The following KIF26B variants were observed in gnomAD, a reference collection of about 807,000 sequenced individuals.
The protein encoded by KIF26B is kinesin-like protein KIF26B.
KIF26B carries 63 observed loss-of-function variants against 151.2 expected under a neutral mutation model. The observed-to-expected ratio is 0.42, with a 90% CI of 0.34 to 0.51. The LOEUF is 0.51. Among genes scored for constraint, KIF26B ranks in the 20% least tolerant of loss-of-function variants. The pLI is 0.07. For missense variants in KIF26B, 2,813 were observed against 2,913.6 expected, an observed-to-expected ratio of 0.97 and a Z score of 0.79; for synonymous variants, 1,357 against 1,262.1, an observed-to-expected ratio of 1.08 and a Z score of -1.59.
In KIF26B at chr1:245,184,050, G is replaced by GTTTTTTGTTTTT. The variant is rs1553332272; in HGVS notation, c.465+27373_465+27374insGTTTTTTTTTTT. 6.1e-4 allele frequency among the ~76,000 whole-genome samples: 12 copies of GTTTTTTGTTTTT among 19,810 alleles called. 1 individual carries two copies. Among genetic ancestry groups the GTTTTTTGTTTTT allele is most frequent in the South Asian group, 2.8e-3 (1 of 352 alleles). 13.0% of individuals were successfully genotyped at this position (19,810 alleles called of 152,430 possible). On this transcript the variant is annotated intron_variant, in intron 2 of 14. Transcript: ENST00000407071. The stretch of plus-strand genomic sequence containing the variant: ...GCAACAGGTATGGGTGGGAGTTGTT[G>GTTTTTTGTTTTT]TTTTTTTTTTTTTTTTTTTGAGCTT...
At chr1:245,682,420 CCTAA>C (rs1156883950) in intron 10 of KIF26B, among the ~76,000 whole-genome samples, 1 of 151,836 alleles carries the variant, frequency 6.6e-6, no homozygotes, top group Non-Finnish European at 1.5e-5. Context: ...ATGATCACAA[CCTAA>C]CTGAGCAGAA....
intron 2 of KIF26B, among the ~76,000 whole-genome samples, chr1:245,165,219 C>T (rs1382578132): frequency 6.6e-6 from 1 of 151,788 alleles, no homozygotes; most frequent in Non-Finnish European, 1.5e-5. Context: ...AAGGGAGAGG[C>T]AGCTCCGGCC....
intron 3 of KIF26B, among the ~76,000 whole-genome samples, chr1:245,395,993 C>T (rs1042840020): frequency 4.6e-5 from 7 of 152,208 alleles, no homozygotes; most frequent in Admixed American, 1.3e-4. Flanking sequence ...CTGTGGCAGC[C>T]TCTGCTCTCC....
At chr1:245,596,459 T>C (rs1199358673) in intron 5 of KIF26B, among the ~76,000 whole-genome samples, 1 of 152,210 alleles carries the variant, frequency 6.6e-6, no homozygotes, top group Non-Finnish European at 1.5e-5. Flanking sequence ...TTCCATGTAG[T>C]TGTGCAGTTT....
chr1:245,702,449 C>T lies in KIF26B; in HGVS notation c.6179-9C>T, dbSNP rs755527986. 1 of 1,613,900 alleles carries T rather than the reference C, an allele frequency of 6.2e-7. No homozygotes were observed. The highest frequency in any genetic ancestry group is 8.5e-7 in the Non-Finnish European group (1 of 1,179,828). ...TCTGCGTCTCCATCAGGCTCTTCCT[C>T]TCTTGCAGTTGACTTGGAGCAGGTT... On this transcript the variant is annotated splice_polypyrimidine_tract_variant and intron_variant, in intron 14 of 14. Transcript: ENST00000407071. This position sits in a 1 kb window ranked among gnomAD's most constrained non-coding sequence, Gnocchi z 4.1.
At position 245,512,380 on chromosome 1, in the gene KIF26B, A is replaced by G. The variant is rs753223449; in HGVS notation, c.1167-28387A>G. Among the ~76,000 whole-genome samples, 1 of 152,212 alleles carries G rather than the reference A, an allele frequency of 6.6e-6. No individual in the cohort carries two copies. The highest frequency in any genetic ancestry group is 1.5e-5 in the Non-Finnish European group (1 of 68,042). Reference sequence around the variant, plus strand: ...TAACATACCCTGCCCAGCCTTGGACAGAGGGAGTACTGTGAAGCAACATGC... The same window carrying G: ...TAACATACCCTGCCCAGCCTTGGACGGAGGGAGTACTGTGAAGCAACATGC... On this transcript the variant is annotated intron_variant, in intron 4 of 14. Transcript: ENST00000407071. This position sits in a 1 kb window ranked among gnomAD's most constrained non-coding sequence, Gnocchi z 4.3.
At chr1:245,192,889 A>G (rs1177839831) in intron 2 of KIF26B, among the ~76,000 whole-genome samples, 3 of 62,484 alleles carry the variant, frequency 4.8e-5, no homozygotes, top group Non-Finnish European at 7.5e-5. Flanking sequence ...TACACCCAAC[A>G]GATAATTTTT....
intron 10 of KIF26B, among the ~76,000 whole-genome samples, chr1:245,680,583 T>C (rs2044421655): frequency 6.6e-6 from 1 of 152,066 alleles, no homozygotes; most frequent in Admixed American, 6.6e-5. Context: ...CTGTCTTTGG[T>C]CTGTCTTCCT....
chr1:245,277,146 A>T (rs1009256392), intron 2 of KIF26B, among the ~76,000 whole-genome samples: 2 of 152,188 alleles, frequency 1.3e-5, no homozygotes, highest in African/African-American at 4.8e-5. Flanking sequence ...GAAGGAACTC[A>T]CTTTGCTGAC....
chr1:245,477,704 G>A (rs573039744), intron 4 of KIF26B, among the ~76,000 whole-genome samples: 2 of 151,742 alleles, frequency 1.3e-5, no homozygotes, highest in South Asian at 4.2e-4. Flanking sequence ...AAGGGAGAGC[G>A]GGCCTGTCAT....
chr1:245,369,133 A>T (rs545380350), intron 3 of KIF26B, among the ~76,000 whole-genome samples: 1 of 151,818 alleles, frequency 6.6e-6, no homozygotes, highest in Admixed American at 6.6e-5. Context: ...CAGCCTGGTG[A>T]CAGAGCAAGA....
chr1:245,561,097 G>C, intron 5 of KIF26B, among the ~76,000 whole-genome samples: 1 of 152,164 alleles, frequency 6.6e-6, no homozygotes, highest in East Asian at 1.9e-4. Flanking sequence ...CTGGGAGCTG[G>C]GAACCTTTTC....
intron 2 of KIF26B, among the ~76,000 whole-genome samples, chr1:245,297,361 A>AT (rs1671357751): frequency 6.6e-6 from 1 of 152,134 alleles, no homozygotes; most frequent in East Asian, 1.9e-4. Context: ...AAAAAGAGCA[A>AT]TTTTTATTAT....
At chr1:245,270,218 C>A (rs1485573073) in intron 2 of KIF26B, among the ~76,000 whole-genome samples, 6,699 of 119,922 alleles carry the variant, frequency 0.056, 284 homozygotes, top group Middle Eastern at 0.088. Context: ...TTCTTCTTCC[C>A]TTCCTTCTTC....
intron 4 of KIF26B, among the ~76,000 whole-genome samples, chr1:245,519,710 A>G (rs1462484189): frequency 6.6e-6 from 1 of 152,190 alleles, no homozygotes; most frequent in Non-Finnish European, 1.5e-5. Flanking sequence ...CTACACACCT[A>G]GGCTAGAGGG....
chr1:245,610,207 C>A (rs1441329045), intron 8 of KIF26B, among the ~76,000 whole-genome samples: 6 of 152,110 alleles, frequency 3.9e-5, no homozygotes, highest in African/African-American at 1.4e-4. Flanking sequence ...ATAGGTGTTC[C>A]GTTTGATAAG....
In KIF26B at chr1:245,687,010, C is replaced by A; in HGVS notation, c.4027C>A (p.Leu1343Met). The change falls in exon 12 of 15, where the codon CTG becomes ATG. Residue 1343 changes from leucine (L) to methionine (M), a missense_variant. Leu to Met is a conservative substitution (Grantham distance 15). This residue lies in a region of KIF26B where 2,060 missense variants were observed against 2,088.6 expected (regional missense o/e 0.99). Coordinates refer to ENST00000407071, the MANE Select transcript of KIF26B (RefSeq NM_018012.4). The surrounding 1 kb of genome is among the most constrained non-coding windows in gnomAD (Gnocchi z 4.9). ...GGCCAGCCCCGACAACTTGCTCATCCTGTCTGAGATGGGAGATGACTCTTT... is the reference window on the plus strand; with the variant it reads ...GGCCAGCCCCGACAACTTGCTCATCATGTCTGAGATGGGAGATGACTCTTT... ...PKASPDNLLILSEMGDDSFNK... is the reference protein window; with the variant it reads ...PKASPDNLLIMSEMGDDSFNK... 6.2e-7 allele frequency: 1 copy of A among 1,613,582 alleles called. No individual in the cohort carries two copies.
chr1:245,622,115 A>AT (rs973118429), intron 9 of KIF26B, among the ~76,000 whole-genome samples: 3 of 152,168 alleles, frequency 2.0e-5, no homozygotes, highest in African/African-American at 7.2e-5. Flanking sequence ...AACAGATGAT[A>AT]TTTTGCTTTA....
chr1:245,398,921 G>A lies in KIF26B; in HGVS notation c.1000-20658G>A, dbSNP rs535751925. On this transcript the variant is annotated intron_variant, in intron 3 of 14. Transcript: ENST00000407071. ...TCTGGACCATTTGTGAGTAAGATGC[G>A]TATACCATTAGCCTTTATCCTGAAG... Among the ~76,000 whole-genome samples the A allele has an allele frequency of 5.9e-5, 9 of 152,180 alleles. No individual in the cohort carries two copies. In the East Asian group the frequency reaches 7.7e-4, roughly 13 times the overall value.
Sources: allele counts gnomAD v4.1 joint callset (sites outside exome capture counted in the v4.1 genomes callset), GRCh38; gene constraint gnomAD v4.1.1; regional missense constraint gnomAD v4.1.1; non-coding constraint Gnocchi (gnomAD v3.1); transcripts MANE v1.5; gene names NCBI Gene and HGNC (gene_info 2026-07-23, HGNC 2026-07-21).